The following ABLIM3 variants were observed in gnomAD, a reference collection of about 807,000 sequenced individuals.
ABLIM3 encodes actin-binding LIM protein 3.
Under a neutral mutation model 109.5 loss-of-function variants are expected in ABLIM3, and 61 were observed. That is an observed-to-expected ratio of 0.56 (90% CI 0.45 to 0.69). The LOEUF is 0.69. ABLIM3 is among the 30% of genes least tolerant of loss of function. The pLI is 0.00. For synonymous variants in ABLIM3, 300 were observed against 324.8 expected, an observed-to-expected ratio of 0.92 and a Z score of 0.82; for missense variants, 796 against 889.5, an observed-to-expected ratio of 0.89 and a Z score of 1.34.
At chr5:149,157,517 A>C (rs919552712) in intron 2 of ABLIM3, among the ~76,000 whole-genome samples, 35 of 65,402 alleles carry the variant, frequency 5.4e-4, no homozygotes, top group Admixed American at 1.8e-3. Context: ...TCTGTCCCCC[A>C]CCCCCCGCCC....
chr5:149,211,637 G>A (rs773065311), intron 7 of ABLIM3, among the ~76,000 whole-genome samples: 1 of 152,074 alleles, frequency 6.6e-6, no homozygotes, highest in African/African-American at 2.4e-5. Context: ...ATTGTCAGCA[G>A]AATCATTAAT....
intron 15 of ABLIM3, chr5:149,244,300 T>A: frequency 6.5e-6 from 1 of 153,790 alleles, no homozygotes. Context: ...GCAGAGATGG[T>A]AGGACCTGCC....
At chr5:149,199,209 A>G (rs991748410) in intron 4 of ABLIM3, 3 of 446,580 alleles carry the variant, frequency 6.7e-6, no homozygotes, top group African/African-American at 6.0e-5. Context: ...AAATACATTA[A>G]ATGTTAATGG....
chr5:149,217,270 C>A, intron 8 of ABLIM3: 1 of 577,834 alleles, frequency 1.7e-6, no homozygotes, highest in East Asian at 3.0e-5. Context: ...CTCTGTGCAC[C>A]TCCACCCGCT....
At chr5:149,182,906 C>G (rs951254412) in intron 2 of ABLIM3, among the ~76,000 whole-genome samples, 2 of 152,164 alleles carry the variant, frequency 1.3e-5, no homozygotes, top group Admixed American at 6.5e-5. Flanking sequence ...AGAGTGCCTC[C>G]CCTTCCCTTC....
intron 8 of ABLIM3, chr5:149,218,046 G>C (rs760390087): frequency 1.3e-5 from 2 of 152,334 alleles, no homozygotes; most frequent in African/African-American, 2.4e-5. Flanking sequence ...AGGAGCCCCA[G>C]GAGGGCTCCC....
chr5:149,252,739 A>C lies in ABLIM3; in HGVS notation c.1858-18A>C. Reference sequence around the variant, plus strand: ...ACCACCCTCACCCAAGCTGGAGACCACCCCCCTTTCTCCTTAGATCTACCC... The same window carrying C: ...ACCACCCTCACCCAAGCTGGAGACCCCCCCCCTTTCTCCTTAGATCTACCC... On this transcript the variant is annotated intron_variant, in intron 22 of 23. Transcript: ENST00000309868. The C allele has an allele frequency of 6.2e-7, 1 of 1,604,828 alleles. No homozygotes were observed. The highest frequency in any genetic ancestry group is 8.5e-7 in the Non-Finnish European group (1 of 1,172,980).
intron 3 of ABLIM3, among the ~76,000 whole-genome samples, chr5:149,196,233 A>G (rs140385940): frequency 8.3e-4 from 126 of 152,286 alleles, no homozygotes; most frequent in African/African-American, 2.9e-3. Flanking sequence ...AGGTGAACAA[A>G]CATTTATGAA....
At chr5:149,258,151 G>T in intron 23 of ABLIM3, 140 bp from the exon 24 acceptor site, 1 of 624,380 alleles carries the variant, frequency 1.6e-6, no homozygotes, top group Admixed American at 3.0e-5. Context: ...CATTCCCCAG[G>T]CTCAGGCACC....
intron 2 of ABLIM3, among the ~76,000 whole-genome samples, chr5:149,180,338 G>T (rs748917824): frequency 6.6e-6 from 1 of 152,192 alleles, no homozygotes. Flanking sequence ...TTGGTAGGAA[G>T]AAGTAAATAC....
chr5:149,216,872 T>G, intron 7 of ABLIM3, 87 bp from the exon 8 acceptor site: 1 of 1,189,462 alleles, frequency 8.4e-7, no homozygotes, highest in Non-Finnish European at 1.2e-6. Context: ...ACAACACTAA[T>G]GTACCCAGGA....
At chr5:149,230,872 G>A (rs1282269952) in intron 9 of ABLIM3, among the ~76,000 whole-genome samples, 165 bp downstream of exon 9, 2 of 152,138 alleles carry the variant, frequency 1.3e-5, no homozygotes, top group Admixed American at 1.3e-4. Context: ...TGCCCCATGG[G>A]GTTTTTGAGG....
At position 149,258,569 on chromosome 5, in the gene ABLIM3, T is replaced by C; in HGVS notation, c.*165T>C. On this transcript the variant is annotated 3_prime_UTR_variant, in exon 24 of 24. Coordinates refer to ENST00000309868, the MANE Select transcript of ABLIM3 (RefSeq NM_014945.5). Reference sequence around the variant, plus strand: ...CCACGTCATCGAGATATTTTTATGCTCCTTACTTTCTCTTTTCTAAGTGCT... The same window carrying C: ...CCACGTCATCGAGATATTTTTATGCCCCTTACTTTCTCTTTTCTAAGTGCT... 1 of 1,382,538 alleles carries C rather than the reference T, an allele frequency of 7.2e-7. No individual in the cohort carries two copies. The highest frequency in any genetic ancestry group is 1.8e-5 in the South Asian group (1 of 56,772). 85.6% of individuals were successfully genotyped at this position (1,382,538 alleles called of 1,614,324 possible).
At chr5:149,142,771 C>T (rs1752594980) in intron 2 of ABLIM3, among the ~76,000 whole-genome samples, 1 of 152,114 alleles carries the variant, frequency 6.6e-6, no homozygotes, top group African/African-American at 2.4e-5. Context: ...AGAGCCAGGA[C>T]CAGATATTTT....
chr5:149,198,354 C>T lies in ABLIM3; in HGVS notation c.287C>T (p.Ala96Val). 1 of 1,613,928 alleles carries T rather than the reference C, an allele frequency of 6.2e-7. No homozygotes were observed. ...TTCATCACAGGCGAAGTCATCTCGG[C>T]CCTGGGCCGCACTTACCACCCCAAG... ...RDFITGEVIS[A>V]LGRTYHPKCF... Residue 96 changes from alanine to valine, a missense_variant, in exon 4 of 24, where the codon GCC becomes GTC. Transcript: ENST00000309868. The surrounding 1 kb of genome is among the most constrained non-coding windows in gnomAD (Gnocchi z 4.2).
At position 149,142,054 on chromosome 5, in the gene ABLIM3, G is replaced by T. The variant is rs1459340817; in HGVS notation, c.-42G>T. 17 of 1,614,084 alleles carry T rather than the reference G, an allele frequency of 1.1e-5. No individual in the cohort carries two copies. The highest frequency in any genetic ancestry group is 1.4e-5 in the Non-Finnish European group (17 of 1,179,992). ...AACGGAAGATTTAAAAAGCAGCCGG[G>T]GCCTCCGTATTGAATGAAAGACCCA... is the stretch of plus-strand genomic sequence containing the variant. On this transcript the variant is annotated 5_prime_UTR_variant, in exon 2 of 24. Coordinates refer to ENST00000309868, the MANE Select transcript of ABLIM3 (RefSeq NM_014945.5).
intron 2 of ABLIM3, among the ~76,000 whole-genome samples, chr5:149,149,566 A>G (rs927173864): frequency 2.0e-5 from 3 of 152,226 alleles, no homozygotes; most frequent in African/African-American, 7.2e-5. Flanking sequence ...AAGGGAAGAC[A>G]GGAAGTTAGG....
intron 7 of ABLIM3, among the ~76,000 whole-genome samples, chr5:149,212,126 T>C (rs1041586211): frequency 6.6e-6 from 1 of 152,148 alleles, no homozygotes; most frequent in African/African-American, 2.4e-5. Flanking sequence ...TGGAAAGCCA[T>C]TGGAGAGTTT....
At chr5:149,203,223 TAC>T (rs1295160050) in intron 5 of ABLIM3, among the ~76,000 whole-genome samples, 4 of 150,630 alleles carry the variant, frequency 2.7e-5, no homozygotes, top group Non-Finnish European at 4.4e-5. Flanking sequence ...TCATGAACAA[TAC>T]CATCAGTGCC....
Sources: allele counts gnomAD v4.1 joint callset (sites outside exome capture counted in the v4.1 genomes callset), GRCh38; gene constraint gnomAD v4.1.1; non-coding constraint Gnocchi (gnomAD v3.1); transcripts MANE v1.5; gene names NCBI Gene and HGNC (gene_info 2026-07-23, HGNC 2026-07-21).